Variants in USP47 observed in about 807,000 individuals in gnomAD.
USP47 encodes the protein ubiquitin specific peptidase 47.
Under a neutral mutation model 165.1 loss-of-function variants are expected in USP47, and 35 were observed. That is an observed-to-expected ratio of 0.21 (90% CI 0.16 to 0.28). The LOEUF is 0.28. Among genes scored for constraint, USP47 ranks in the 10% least tolerant of loss-of-function variants. The pLI is 1.00. For missense variants in USP47, 1,277 were observed against 1,607.4 expected (o/e 0.79, Z 3.52); for synonymous variants, 531 against 544.5 (o/e 0.98, Z 0.35).
At chr11:11,948,749 A>G (rs958703693) in intron 22 of USP47, 191 bp downstream of exon 22, 11 of 506,214 alleles carry the variant, frequency 2.2e-5, no homozygotes, top group Non-Finnish European at 3.9e-5. Context: ...ACAAGGAGCC[A>G]TAGACAATAA....
chr11:11,922,595 C>T (rs774835567), intron 10 of USP47, 129 bp from the exon 11 acceptor site: 3 of 675,210 alleles, frequency 4.4e-6, no homozygotes, highest in Non-Finnish European at 6.5e-6. Context: ...AATAAATGTA[C>T]TCAAAGTAAA....
Position 11,914,946 on chromosome 11 carries a change from A to G in USP47, c.970-5210A>G, listed in dbSNP as rs529402819. Among the ~76,000 whole-genome samples the G allele has an allele frequency of 9.2e-5, 14 of 152,336 alleles. No individual in the cohort carries two copies. In the South Asian group the frequency reaches 1.0e-3, roughly 11 times the overall value. ...TAGTTTCTTATAAAATGACACGTGCAGTTACCATAAACTCTAGCAATTGAA... is the reference window on the plus strand; with the variant it reads ...TAGTTTCTTATAAAATGACACGTGCGGTTACCATAAACTCTAGCAATTGAA... On this transcript the variant is annotated intron_variant, in intron 8 of 27. Transcript: ENST00000527733.
chr11:11,950,402 C>G lies in USP47; in HGVS notation c.3503C>G (p.Thr1168Ser), dbSNP rs766224629. The G allele has an allele frequency of 6.2e-7, 1 of 1,607,174 alleles. No homozygotes were observed. Among genetic ancestry groups the G allele is most frequent in the Non-Finnish European group, 8.5e-7 (1 of 1,177,788 alleles). ...LRKKTWKNPGTVFLDYHIYEE... is the reference protein window; with the variant it reads ...LRKKTWKNPGSVFLDYHIYEE... ...AAAAAAACATGGAAGAATCCTGGCA[C>G]TGTCTTTTTGGATTATCATATTTAT... Residue 1168 changes from threonine to serine, a missense_variant, in exon 24 of 28, where the codon ACT becomes AGT. Thr to Ser is a moderately conservative substitution (Grantham distance 58, BLOSUM62 1). This residue lies in a region of USP47 where 909 missense variants were observed against 1,068.1 expected (regional missense o/e 0.85). Transcript: ENST00000527733.
At position 11,845,899 on chromosome 11, in the gene USP47, A is replaced by G. The variant is rs78015023; in HGVS notation, c.39+3675A>G. On this transcript the variant is annotated intron_variant, in intron 1 of 27. Transcript: ENST00000527733. ...TGCCATCTTTTGATAGTTGCCTTAC[A>G]GAAATGTTAAAGCATTTCCCATAGG... 6.4e-3 allele frequency among the ~76,000 whole-genome samples: 977 copies of G among 152,322 alleles called. 27 individuals are homozygous for G. The East Asian group carries it at 0.075, about 12-fold the overall frequency.
intron 8 of USP47, among the ~76,000 whole-genome samples, chr11:11,911,833 C>G (rs140802148): frequency 6.6e-6 from 1 of 151,846 alleles, no homozygotes; most frequent in Non-Finnish European, 1.5e-5. Context: ...TAAATATATA[C>G]GAGGATAGAC....
chr11:11,855,824 C>T (rs376770065), intron 1 of USP47, among the ~76,000 whole-genome samples: 4 of 152,172 alleles, frequency 2.6e-5, no homozygotes, highest in African/African-American at 9.6e-5. Context: ...TTAGTAGCTG[C>T]CAAGAACTAC....
intron 3 of USP47, among the ~76,000 whole-genome samples, chr11:11,886,497 C>T (rs1851172860): frequency 1.3e-5 from 2 of 151,922 alleles, no homozygotes; most frequent in South Asian, 4.2e-4. Context: ...AATCTTAGAG[C>T]TTGAAGACTG....
At chr11:11,909,040 C>T (rs1358939387) in intron 8 of USP47, among the ~76,000 whole-genome samples, 1 of 152,040 alleles carries the variant, frequency 6.6e-6, no homozygotes, top group Admixed American at 6.6e-5. Flanking sequence ...TTTTCTTTCT[C>T]TGTGGGACAT....
chr11:11,887,486 A>G (rs1851237959), intron 3 of USP47, among the ~76,000 whole-genome samples: 1 of 152,184 alleles, frequency 6.6e-6, no homozygotes, highest in Non-Finnish European at 1.5e-5. Context: ...CAAGGGCATT[A>G]CATAATAGTA....
chr11:11,902,925 T>C, intron 6 of USP47, 65 bp downstream of exon 6: 1 of 1,430,360 alleles, frequency 7.0e-7, no homozygotes, highest in African/African-American at 1.4e-5. Flanking sequence ...ACAATAATAT[T>C]ACAAACACAT....
intron 25 of USP47, among the ~76,000 whole-genome samples, chr11:11,953,894 C>T (rs1044928803): frequency 4.0e-5 from 6 of 151,846 alleles, no homozygotes; most frequent in Non-Finnish European, 8.8e-5. Context: ...TTTTCAAGTT[C>T]AGTTGGCATC....
Position 11,887,606 on chromosome 11 carries a change from C to T in USP47, c.357+3026C>T, listed in dbSNP as rs531258952. 2.6e-5 allele frequency among the ~76,000 whole-genome samples: 4 copies of T among 152,170 alleles called. No individual in the cohort carries two copies. In the East Asian group the frequency reaches 5.8e-4, roughly 22 times the overall value. On this transcript the variant is annotated intron_variant, in intron 3 of 27. Coordinates refer to ENST00000527733, the MANE Select transcript of USP47 (RefSeq NM_001282659.2). ...CTTAGAGACCAACAAAAGAGACTTA[C>T]ACTCCCACACAATAACAATGGGAGA...
At chr11:11,943,975 TTA>T (rs1855656324) in intron 20 of USP47, 3 of 151,850 alleles carry the variant, frequency 2.0e-5, no homozygotes, top group African/African-American at 7.3e-5. Flanking sequence ...AAAGCAAACA[TTA>T]GTATCCTGAT....
At position 11,902,737 on chromosome 11, in the gene USP47, G is replaced by T; in HGVS notation, c.616G>T (p.Glu206Ter). 1 of 1,570,922 alleles carries T rather than the reference G, an allele frequency of 6.4e-7. No individual in the cohort carries two copies. The highest frequency in any genetic ancestry group is 8.6e-7 in the Non-Finnish European group (1 of 1,159,264). The change falls in exon 6 of 28, where the codon GAA (glutamate) becomes TAA (stop). Residue 206 changes from glutamate (E) to a stop codon, truncating the protein, a stop_gained. Coordinates refer to ENST00000527733, the MANE Select transcript of USP47 (RefSeq NM_001282659.2). LOFTEE classifies it high-confidence loss of function. ...TAGGTGGGAATTTGAAGAATCTGAA[G>T]AAGATCCAGTGACAAGTATTCCATA... Reference protein sequence around the residue: ...LYKWEFEESEEDPVTSIPYQL... With the variant: ...LYKWEFEESE
At chr11:11,860,420 C>A (rs1590239906) in intron 1 of USP47, among the ~76,000 whole-genome samples, 1 of 152,094 alleles carries the variant, frequency 6.6e-6, no homozygotes, top group Non-Finnish European at 1.5e-5. Context: ...GTCCATTGTT[C>A]TTGTACCATA....
chr11:11,879,619 C>A (rs1850701613), intron 1 of USP47, among the ~76,000 whole-genome samples: 1 of 152,066 alleles, frequency 6.6e-6, no homozygotes, highest in Non-Finnish European at 1.5e-5. Context: ...CAGCCCCTGA[C>A]ACGTTAATAA....
rs554895493 is a variant in USP47, at chr11:11,960,418, A to G, written c.*4243A>G. Among the ~76,000 whole-genome samples, 1 of 113,058 alleles carries G rather than the reference A, an allele frequency of 8.8e-6. No individual in the cohort carries two copies. The highest frequency in any genetic ancestry group is 3.1e-4 in the South Asian group (1 of 3,274). 74.2% of individuals were successfully genotyped at this position (113,058 alleles called of 152,430 possible). A position where few individuals can be genotyped will look rare whatever the true frequency, so the allele number is the denominator to read the frequency against. On this transcript the variant is annotated 3_prime_UTR_variant, in exon 28 of 28. Coordinates refer to ENST00000527733, the MANE Select transcript of USP47 (RefSeq NM_001282659.2). ...AACAGCATTGGTGCTCCCTCATGAAATTTGACAGTGTCTTGCCAGCCTCCT... is the reference window on the plus strand; with the variant it reads ...AACAGCATTGGTGCTCCCTCATGAAGTTTGACAGTGTCTTGCCAGCCTCCT...
intron 16 of USP47, among the ~76,000 whole-genome samples, chr11:11,934,576 C>T (rs1372745357): frequency 6.6e-6 from 1 of 151,976 alleles, no homozygotes; most frequent in East Asian, 1.9e-4. Context: ...ACAGCATGTG[C>T]AAAAGTGCTG....
chr11:11,889,291 T>C (rs1410679208), intron 3 of USP47, among the ~76,000 whole-genome samples: 5 of 152,172 alleles, frequency 3.3e-5, no homozygotes, highest in African/African-American at 1.2e-4. Flanking sequence ...TGATCCTGTA[T>C]CTAGAAAACC....
Sources: gnomAD v4.1 joint callset for allele counts (sites outside exome capture counted in the v4.1 genomes callset) on GRCh38, gnomAD v4.1.1 for gene constraint, gnomAD v4.1.1 regional missense constraint, MANE v1.5 for transcripts, NCBI Gene and HGNC (gene_info 2026-07-23, HGNC 2026-07-21) for gene names.